The following BRD10 variants were observed in gnomAD, a reference collection of about 807,000 sequenced individuals.
BRD10 encodes the protein uncharacterized bromodomain-containing protein 10.
chr9:6,007,809 G>C, the BRD10 span: 2 of 1,473,366 alleles, frequency 1.4e-6, no homozygotes, highest in Non-Finnish European at 1.8e-6. Flanking sequence ...CCTAGGCTGG[G>C]CGGTGTGGAA....
the BRD10 span, among the ~76,000 whole-genome samples, chr9:5,995,925 C>T: frequency 6.6e-6 from 1 of 151,990 alleles, no homozygotes; most frequent in Non-Finnish European, 1.5e-5. Flanking sequence ...CAGGCTGAAA[C>T]AATGATAACA....
At chr9:5,970,998 G>A in the BRD10 span, among the ~76,000 whole-genome samples, 1 of 139,402 alleles carries the variant, frequency 7.2e-6, no homozygotes, top group Non-Finnish European at 1.5e-5. Flanking sequence ...GTTACAGTGA[G>A]CCGAGATTGC....
At chr9:6,002,611 T>C in the BRD10 span, among the ~76,000 whole-genome samples, 2 of 152,024 alleles carry the variant, frequency 1.3e-5, no homozygotes, top group Non-Finnish European at 2.9e-5. Context: ...AAATAAAAAT[T>C]CATTTTTAAT....
chr9:5,954,905 G>C, the BRD10 span, among the ~76,000 whole-genome samples: 1 of 151,946 alleles, frequency 6.6e-6, no homozygotes, highest in African/African-American at 2.4e-5. Flanking sequence ...CTAGTTAACA[G>C]GGCGAAACCC....
the BRD10 span, among the ~76,000 whole-genome samples, chr9:5,935,940 C>T: frequency 6.6e-6 from 1 of 152,120 alleles, no homozygotes; most frequent in African/African-American, 2.4e-5. Context: ...TTCAGATTTT[C>T]TGACAATATA....
chr9:5,908,640 G>A, the BRD10 span: 8 of 1,613,604 alleles, frequency 5.0e-6, no homozygotes, highest in Non-Finnish European at 6.8e-6. Flanking sequence ...GTTCTCACAG[G>A]TTCCCAATGC....
the BRD10 span, among the ~76,000 whole-genome samples, chr9:6,000,302 A>G: frequency 6.6e-6 from 1 of 152,170 alleles, no homozygotes; most frequent in Admixed American, 6.5e-5. Context: ...AGCCTTTCCC[A>G]ATTAAAAAGA....
chr9:5,932,769 CTATACAATGCTG>C, the BRD10 span, among the ~76,000 whole-genome samples: 12 of 152,134 alleles, frequency 7.9e-5, no homozygotes, highest in African/African-American at 2.9e-4. Flanking sequence ...TCTCCTTCCA[CTATACAATGCTG>C]TATTTCTTGG....
At chr9:5,936,157 A>C in the BRD10 span, among the ~76,000 whole-genome samples, 1 of 152,150 alleles carries the variant, frequency 6.6e-6, no homozygotes, top group Non-Finnish European at 1.5e-5. Context: ...AGAGTTCGAG[A>C]CTAGTCTGGG....
the BRD10 span, chr9:5,897,459 C>T: frequency 8.1e-5 from 89 of 1,097,926 alleles, no homozygotes; most frequent in South Asian, 8.4e-4. Context: ...TGCTCTGGGT[C>T]GTCAAAGTCC....
chr9:6,006,616 CTAT>C, the BRD10 span, among the ~76,000 whole-genome samples: 1,302 of 152,224 alleles, frequency 8.6e-3, 6 homozygotes, highest in Non-Finnish European at 0.014. Flanking sequence ...GATGCATTCC[CTAT>C]TATTGCAAAA....
chr9:5,992,497 G>T, the BRD10 span, among the ~76,000 whole-genome samples: 3 of 148,796 alleles, frequency 2.0e-5, no homozygotes, highest in African/African-American at 7.4e-5. Context: ...AATAATCAAT[G>T]GCCAAATAAA....
the BRD10 span, chr9:5,969,566 CAG>C: frequency 1.0e-5 from 7 of 682,132 alleles, no homozygotes; most frequent in Non-Finnish European, 1.6e-5. Flanking sequence ...TTATTTGAGA[CAG>C]AGTCTCGCTC....
the BRD10 span, chr9:6,008,358 C>G: frequency 5.1e-6 from 5 of 979,612 alleles, no homozygotes; most frequent in Non-Finnish European, 6.1e-6. Context: ...CCCCGCTGGG[C>G]GGTGAGGGGG....
At chr9:5,891,594 G>C in the BRD10 span, among the ~76,000 whole-genome samples, 1 of 152,102 alleles carries the variant, frequency 6.6e-6, no homozygotes, top group African/African-American at 2.4e-5. Flanking sequence ...TAAGAGAGCA[G>C]AAAAATACAC....
At chr9:5,904,745 G>A in the BRD10 span, among the ~76,000 whole-genome samples, 55 of 150,064 alleles carry the variant, frequency 3.7e-4, no homozygotes, top group Non-Finnish European at 6.6e-4. Context: ...GATTACAGGC[G>A]TGAGCCACCG....
the BRD10 span, among the ~76,000 whole-genome samples, chr9:5,993,823 A>G: frequency 1.3e-5 from 2 of 152,224 alleles, no homozygotes; most frequent in African/African-American, 2.4e-5. Context: ...ACAGTGCACA[A>G]GGGTAGAAAA....
the BRD10 span, among the ~76,000 whole-genome samples, chr9:5,899,512 A>G: frequency 1.3e-5 from 2 of 152,180 alleles, no homozygotes. Context: ...AGTGGGAAGG[A>G]GGAGGAGTTG....
chr9:5,950,517 C>G, the BRD10 span, among the ~76,000 whole-genome samples: 1 of 152,146 alleles, frequency 6.6e-6, no homozygotes, highest in Non-Finnish European at 1.5e-5. Context: ...TTGCAGAACC[C>G]TTGTGTTTAA....
Sources: gnomAD v4.1 joint callset for allele counts (sites outside exome capture counted in the v4.1 genomes callset) on GRCh38, gnomAD v4.1.1 for gene constraint, MANE v1.5 for transcripts, NCBI Gene and HGNC (gene_info 2026-07-23, HGNC 2026-07-21) for gene names.